Variants in LMNTD1 observed in about 807,000 individuals in gnomAD.
The protein encoded by LMNTD1 is lamin tail domain-containing protein 1.
In LMNTD1, 35 loss-of-function variants were observed where a neutral mutation model predicts 50.9. The ratio of observed to expected loss-of-function variants is 0.69; its 90% CI spans 0.53 to 0.91. The LOEUF (loss-of-function observed/expected upper bound fraction) is 0.91, where lower values mean the gene tolerates loss of function less well. Among genes scored for constraint, LMNTD1 ranks in the 40% least tolerant of loss-of-function variants. The probability of loss-of-function intolerance (pLI) is 0.00; values close to 1 mark genes in which losing one functional copy is unlikely to be tolerated. For missense variants in LMNTD1, 470 were observed against 475.5 expected, an observed-to-expected ratio of 0.99 and a Z score of 0.11; for synonymous variants, 153 against 161.9, an observed-to-expected ratio of 0.94 and a Z score of 0.42.
intron 1 of LMNTD1, among the ~76,000 whole-genome samples, chr12:25,587,456 A>G (rs1945565801): frequency 6.6e-6 from 1 of 152,226 alleles, no homozygotes; most frequent in Non-Finnish European, 1.5e-5. Context: ...GAGCAGAAGC[A>G]AGAGAGAGGT....
intron 9 of LMNTD1, among the ~76,000 whole-genome samples, chr12:25,483,772 CAAAAAA>C (rs10582917): frequency 1.4e-5 from 2 of 146,628 alleles, no homozygotes; most frequent in Non-Finnish European, 3.0e-5. Flanking sequence ...CATTCCATCT[CAAAAAA>C]AAAAAAAAAG....
intron 1 of LMNTD1, among the ~76,000 whole-genome samples, chr12:25,594,522 G>T (rs187414480): frequency 6.6e-6 from 1 of 151,782 alleles, no homozygotes; most frequent in African/African-American, 2.4e-5. Context: ...GACAGAATTC[G>T]CCACTACCAA....
chr12:25,592,463 G>C (rs1945728735), intron 1 of LMNTD1: 1 of 152,220 alleles, frequency 6.6e-6, no homozygotes, highest in African/African-American at 2.4e-5. Flanking sequence ...GAACCTGAAG[G>C]TCTAGATTAT....
intron 1 of LMNTD1, among the ~76,000 whole-genome samples, chr12:25,635,718 C>T (rs936901531): frequency 1.3e-5 from 2 of 152,178 alleles, no homozygotes; most frequent in African/African-American, 4.8e-5. Flanking sequence ...AAGCATCACA[C>T]TACCTGATTT....
intron 1 of LMNTD1, among the ~76,000 whole-genome samples, chr12:25,583,509 C>A (rs1945396081): frequency 6.6e-6 from 1 of 152,106 alleles, no homozygotes; most frequent in African/African-American, 2.4e-5. Flanking sequence ...TTATTTTTAC[C>A]CTTTTTAATC....
In LMNTD1 at chr12:25,521,437, TA is replaced by T. The variant is rs367552808; in HGVS notation, c.799-1363del. On this transcript the variant is annotated intron_variant, in intron 6 of 9. Transcript: ENST00000458174. ...GTACAACAGAATTTAAAAACTGAAC[TA>T]TATAATGCCATTTACCTGTGTGTGC... 4.6e-5 allele frequency among the ~76,000 whole-genome samples: 7 copies of T among 152,294 alleles called. No individual in the cohort carries two copies. The East Asian group carries it at 1.3e-3, about 29-fold the overall frequency.
chr12:25,558,071 T>G (rs900010520), upstream of LMNTD1, among the ~76,000 whole-genome samples: 1 of 152,210 alleles, frequency 6.6e-6, no homozygotes, highest in Non-Finnish European at 1.5e-5. Context: ...GTAAAAATTT[T>G]AACCTATGAG....
intron 8 of LMNTD1, among the ~76,000 whole-genome samples, chr12:25,508,231 G>T (rs539959390): frequency 6.6e-6 from 1 of 152,252 alleles, no homozygotes; most frequent in African/African-American, 2.4e-5. Context: ...CTTGGATCAA[G>T]AAATGGAACA....
chr12:25,558,688 A>C lies in LMNTD1; in HGVS notation c.59-12134T>G, dbSNP rs111418717. On this transcript the variant is annotated intron_variant, in intron 1 of 7. Coordinates refer to the LMNTD1 transcript ENST00000445693. Reference sequence around the variant, plus strand: ...AGGCCTCACAATCATAGCGGAAGACAAAGGAAGGGCAAAGGGTTGTCTCAC... The same window carrying C: ...AGGCCTCACAATCATAGCGGAAGACCAAGGAAGGGCAAAGGGTTGTCTCAC... 5.2e-3 allele frequency among the ~76,000 whole-genome samples: 799 copies of C among 152,312 alleles called. 9 individuals carry two copies. Among genetic ancestry groups the C allele is most frequent in the African/African-American group, 0.018 (745 of 41,570 alleles).
In LMNTD1 at chr12:25,570,935, T is replaced by C. The variant is rs116814984; in HGVS notation, c.59-24381A>G. On this transcript the variant is annotated intron_variant, in intron 1 of 7. Transcript: ENST00000445693. ...TCATTCTGCTGTTATTAGTAATAGA[T>C]AGGATGGAGTAAATGCTGAGCAGCC... is the stretch of plus-strand genomic sequence containing the variant. Among the ~76,000 whole-genome samples the C allele has an allele frequency of 4.3e-3, 655 of 152,274 alleles. 6 individuals carry two copies. Among genetic ancestry groups the C allele is most frequent in the African/African-American group, 0.015 (614 of 41,546 alleles).
At chr12:25,483,294 C>T (rs1033039180) in intron 9 of LMNTD1, among the ~76,000 whole-genome samples, 7 of 151,610 alleles carry the variant, frequency 4.6e-5, no homozygotes, top group South Asian at 2.1e-4. Context: ...CGTGGTTGTG[C>T]GCACCTTTAG....
At chr12:25,555,272 C>T (rs1164050258), upstream of LMNTD1, among the ~76,000 whole-genome samples, 1 of 152,012 alleles carries the variant, frequency 6.6e-6, no homozygotes, top group East Asian at 1.9e-4. Flanking sequence ...TCACCAATAG[C>T]AATACAACTT....
intron 9 of LMNTD1, among the ~76,000 whole-genome samples, chr12:25,490,991 T>C (rs7135011): frequency 0.26 from 39,728 of 152,152 alleles, 5,362 homozygotes; most frequent in Middle Eastern, 0.34. Flanking sequence ...GTGAAATCAA[T>C]AATTGACTGA....
At chr12:25,532,232 G>A (rs1942275561) in intron 4 of LMNTD1, among the ~76,000 whole-genome samples, 1 of 152,038 alleles carries the variant, frequency 6.6e-6, no homozygotes, top group South Asian at 2.1e-4. Context: ...TTAAGGTTCT[G>A]TATATTTTTT....
chr12:25,514,496 C>G (rs1193375750), intron 8 of LMNTD1, among the ~76,000 whole-genome samples: 2 of 151,452 alleles, frequency 1.3e-5, no homozygotes, highest in African/African-American at 4.9e-5. Flanking sequence ...AGGATGGTTG[C>G]CAGAGGCTGG....
chr12:25,537,814 G>C lies in LMNTD1; in HGVS notation c.491+8560C>G, dbSNP rs557218173. Among the ~76,000 whole-genome samples, 267 of 151,866 alleles carry C rather than the reference G, an allele frequency of 1.8e-3. 1 individual carries two copies. Among genetic ancestry groups the C allele is most frequent in the African/African-American group, 4.4e-3 (182 of 41,470 alleles). On this transcript the variant is annotated intron_variant, in intron 4 of 9. Transcript: ENST00000458174. ...CATTCAAACCAAAGGCAAAGAAGTT[G>C]AAAACTTTGAAAGAAATTTAGAAGA...
chr12:25,617,950 G>C (rs1946382610), intron 1 of LMNTD1, among the ~76,000 whole-genome samples: 1 of 152,198 alleles, frequency 6.6e-6, no homozygotes, highest in Admixed American at 6.5e-5. Flanking sequence ...TCCTGTGAGA[G>C]GTAGGTGTCG....
intron 4 of LMNTD1, among the ~76,000 whole-genome samples, chr12:25,527,860 T>G (rs73076322): frequency 2.0e-5 from 3 of 150,650 alleles, no homozygotes; most frequent in South Asian, 2.1e-4. Context: ...AGCAAAAAAA[T>G]TTTTTTAAAA....
chr12:25,642,886 A>C (rs1368971790), intron 1 of LMNTD1, among the ~76,000 whole-genome samples: 6 of 152,180 alleles, frequency 3.9e-5, no homozygotes, highest in African/African-American at 7.2e-5. Context: ...ATGTCCCACA[A>C]GTCAGATTTC....
Sources: gnomAD v4.1 joint callset for allele counts (sites outside exome capture counted in the v4.1 genomes callset) on GRCh38, gnomAD v4.1.1 for gene constraint, MANE v1.5 for transcripts, NCBI Gene and HGNC (gene_info 2026-07-23, HGNC 2026-07-21) for gene names.